The following GRID2 variants were observed in gnomAD, a reference collection of about 807,000 sequenced individuals.
GRID2 encodes the protein glutamate ionotropic receptor delta type subunit 2, also known as glutamate receptor ionotropic, delta-2.
Under a neutral mutation model 114.8 loss-of-function variants are expected in GRID2, and 33 were observed. The observed-to-expected ratio is 0.29, with a 90% CI of 0.22 to 0.38. The LOEUF (loss-of-function observed/expected upper bound fraction) is 0.38, where lower values mean the gene tolerates loss of function less well. Among genes scored for constraint, GRID2 ranks in the 10% least tolerant of loss-of-function variants. GRID2 has a pLI of 1.00. For missense variants in GRID2, 1,184 were observed against 1,257.7 expected (o/e 0.94, Z 0.89); for synonymous variants, 505 against 449.9 (o/e 1.12, Z -1.55).
chr4:92,587,448 A>G (rs1728503966), intron 1 of GRID2, among the ~76,000 whole-genome samples: 1 of 152,084 alleles, frequency 6.6e-6, no homozygotes, highest in South Asian at 2.1e-4. Flanking sequence ...TTTCTGTCCC[A>G]GGATCCTTCC....
At chr4:92,951,341 A>C (rs1002142603) in intron 2 of GRID2, among the ~76,000 whole-genome samples, 19 of 140,584 alleles carry the variant, frequency 1.4e-4, no homozygotes, top group Non-Finnish European at 2.4e-4. Flanking sequence ...TTTTTTATTT[A>C]TTTATTTATT....
chr4:93,507,798 A>G (rs188033805), intron 12 of GRID2, among the ~76,000 whole-genome samples: 1 of 152,228 alleles, frequency 6.6e-6, no homozygotes, highest in Non-Finnish European at 1.5e-5. Flanking sequence ...TTTGGTCCTA[A>G]TTGTTTGTGT....
chr4:93,418,793 C>T (rs1395583590), intron 9 of GRID2, among the ~76,000 whole-genome samples: 1 of 151,958 alleles, frequency 6.6e-6, no homozygotes, highest in East Asian at 1.9e-4. Context: ...GTAATATTAC[C>T]TTTTTCTAGA....
At chr4:93,239,868 G>T (rs1284119082) in intron 8 of GRID2, among the ~76,000 whole-genome samples, 1 of 151,530 alleles carries the variant, frequency 6.6e-6, no homozygotes, top group East Asian at 1.9e-4. Flanking sequence ...TTATATAATT[G>T]TTTTGTCAAT....
chr4:93,386,805 T>A (rs934341299), intron 8 of GRID2, among the ~76,000 whole-genome samples: 1 of 152,106 alleles, frequency 6.6e-6, no homozygotes, highest in Admixed American at 6.6e-5. Flanking sequence ...AAAAGTGTCC[T>A]CCAGGGTACC....
chr4:93,387,633 C>A (rs1414802710), intron 8 of GRID2, among the ~76,000 whole-genome samples: 2 of 151,932 alleles, frequency 1.3e-5, no homozygotes, highest in African/African-American at 4.8e-5. Context: ...AGTTTGAGAC[C>A]AGCCTGGCCA....
intron 4 of GRID2, among the ~76,000 whole-genome samples, chr4:93,192,799 C>T (rs1262072228): frequency 3.3e-5 from 5 of 150,574 alleles, no homozygotes; most frequent in Non-Finnish European, 7.4e-5. Flanking sequence ...TAAAATTATC[C>T]TGAGCTAACC....
chr4:93,634,736 T>G lies in GRID2; in HGVS notation c.2360+8301T>G, dbSNP rs1721263870. ...AATTGAAGAAGGCCATTTGCAAGTA[T>G]TCTAGCTGGGAAGCAGTAAGAATAC... On this transcript the variant is annotated intron_variant, in intron 14 of 15. Coordinates refer to ENST00000282020, the MANE Select transcript of GRID2 (RefSeq NM_001510.4). Among the ~76,000 whole-genome samples, 3 of 152,202 alleles carry G rather than the reference T, an allele frequency of 2.0e-5. No homozygotes were observed. In the South Asian group the frequency reaches 6.2e-4, roughly 32 times the overall value.
chr4:93,693,720 C>T (rs17021007), intron 14 of GRID2, among the ~76,000 whole-genome samples: 6,259 of 152,052 alleles, frequency 0.041, 199 homozygotes, highest in African/African-American at 0.081. Flanking sequence ...ATTTAATTTT[C>T]GCCATTAGTC....
chr4:93,738,418 A>G (rs564434113), intron 14 of GRID2, among the ~76,000 whole-genome samples: 32 of 152,302 alleles, frequency 2.1e-4, no homozygotes, highest in African/African-American at 7.5e-4. Flanking sequence ...TGTTAACCAC[A>G]TAAAAGACTA....
intron 2 of GRID2, among the ~76,000 whole-genome samples, chr4:92,960,341 C>T (rs913966692): frequency 1.3e-5 from 2 of 151,922 alleles, no homozygotes; most frequent in Non-Finnish European, 2.9e-5. Context: ...TGGACCTGTC[C>T]ATTTCTGATA....
chr4:92,797,386 A>T (rs554242885), intron 2 of GRID2, among the ~76,000 whole-genome samples: 1 of 152,112 alleles, frequency 6.6e-6, no homozygotes, highest in East Asian at 1.9e-4. Context: ...GGAGTTGCCT[A>T]TGAAATTGTG....
At chr4:93,011,725 A>G (rs1214306864) in intron 2 of GRID2, among the ~76,000 whole-genome samples, 1 of 152,170 alleles carries the variant, frequency 6.6e-6, no homozygotes, top group African/African-American at 2.4e-5. Context: ...AAAACGGAAC[A>G]CAATAGGAGC....
intron 14 of GRID2, among the ~76,000 whole-genome samples, chr4:93,670,638 T>C (rs1724330865): frequency 6.6e-6 from 1 of 152,212 alleles, no homozygotes; most frequent in South Asian, 2.1e-4. Context: ...GGTGCATCAG[T>C]GTCTGCCCCT....
chr4:92,412,871 A>G (rs1195353215), intron 1 of GRID2, among the ~76,000 whole-genome samples: 1 of 152,124 alleles, frequency 6.6e-6, no homozygotes, highest in East Asian at 1.9e-4. Context: ...AACACATCCT[A>G]TGTGACCTCC....
intron 2 of GRID2, among the ~76,000 whole-genome samples, chr4:92,659,476 A>G (rs1193491673): frequency 6.6e-6 from 1 of 151,546 alleles, no homozygotes; most frequent in Non-Finnish European, 1.5e-5. Flanking sequence ...TGTTTCAGAT[A>G]GAGCACTCAA....
At chr4:92,378,821 T>A (rs1729477833) in intron 1 of GRID2, among the ~76,000 whole-genome samples, 1 of 152,030 alleles carries the variant, frequency 6.6e-6, no homozygotes, top group Admixed American at 6.6e-5. Flanking sequence ...TGCTACCTGT[T>A]AATGCTGTCT....
intron 2 of GRID2, among the ~76,000 whole-genome samples, chr4:92,916,836 CTT>C (rs1748842255): frequency 1.3e-5 from 2 of 152,044 alleles, no homozygotes; most frequent in Admixed American, 6.6e-5. Flanking sequence ...GTGTGTGTGT[CTT>C]TATAGCAGCA....
chr4:93,486,620 A>G (rs979753813), intron 11 of GRID2, among the ~76,000 whole-genome samples: 4 of 151,620 alleles, frequency 2.6e-5, no homozygotes, highest in Admixed American at 6.6e-5. Context: ...AAGATCATAT[A>G]ATTTTTCTCT....
Sources: gnomAD v4.1 joint callset for allele counts (sites outside exome capture counted in the v4.1 genomes callset) on GRCh38, gnomAD v4.1.1 for gene constraint, MANE v1.5 for transcripts, NCBI Gene and HGNC (gene_info 2026-07-23, HGNC 2026-07-21) for gene names.